Variants in OR7C1 observed in about 807,000 individuals in gnomAD.
The protein encoded by OR7C1 is olfactory receptor 7C1.
For missense variants in OR7C1, 324 were observed against 383.3 expected, an observed-to-expected ratio of 0.85 and a Z score of 1.29; for synonymous variants, 152 against 160.7, an observed-to-expected ratio of 0.95 and a Z score of 0.41.
At chr19:14,828,017 G>A (rs1312224739) in intron 1 of OR7C1, 2 of 1,614,210 alleles carry the variant, frequency 1.2e-6, no homozygotes, top group East Asian at 4.5e-5. Context: ...GAATGGTGGT[G>A]GAAGTAACAC....
chr19:14,822,071 G>A (rs57121293), intron 1 of OR7C1, among the ~76,000 whole-genome samples: 7,909 of 152,220 alleles, frequency 0.052, 453 homozygotes, highest in African/African-American at 0.14. Flanking sequence ...TTCTATTGTG[G>A]ATATGCACCA....
intron 1 of OR7C1, among the ~76,000 whole-genome samples, chr19:14,828,783 A>T (rs1386277097): frequency 6.7e-6 from 1 of 149,536 alleles, no homozygotes; most frequent in South Asian, 2.2e-4. Flanking sequence ...AAAAAAAAAA[A>T]AAAAGAATGA....
intron 1 of OR7C1, among the ~76,000 whole-genome samples, chr19:14,812,201 C>A (rs1347916910): frequency 6.6e-6 from 1 of 152,166 alleles, no homozygotes; most frequent in African/African-American, 2.4e-5. Context: ...AGGGGCTACA[C>A]TTAGAGCTGG....
chr19:14,813,343 A>G (rs1372413375), intron 1 of OR7C1, among the ~76,000 whole-genome samples: 1 of 152,064 alleles, frequency 6.6e-6, no homozygotes, highest in African/African-American at 2.4e-5. Context: ...TCACAAGGTC[A>G]GGAGATTGAG....
intron 1 of OR7C1, among the ~76,000 whole-genome samples, chr19:14,824,059 A>G (rs1249955736): frequency 6.6e-6 from 1 of 152,148 alleles, no homozygotes; most frequent in East Asian, 1.9e-4. Flanking sequence ...GAATAATAAA[A>G]CAAAGTCCCC....
At chr19:14,829,616 ACCT>A (rs1316268188) in intron 1 of OR7C1, among the ~76,000 whole-genome samples, 12 of 152,218 alleles carry the variant, frequency 7.9e-5, no homozygotes, top group African/African-American at 2.6e-4. Flanking sequence ...GAATAAGGGG[ACCT>A]GGCTGTCAAA....
At chr19:14,807,721 C>G (rs752919479) in intron 2 of OR7C1, among the ~76,000 whole-genome samples, 2 of 151,676 alleles carry the variant, frequency 1.3e-5, no homozygotes, top group Non-Finnish European at 2.9e-5. Flanking sequence ...ACGGTGAAAC[C>G]CTGTCTCTAC....
chr19:14,813,811 C>T (rs2044703735), intron 1 of OR7C1, among the ~76,000 whole-genome samples: 1 of 151,982 alleles, frequency 6.6e-6, no homozygotes, highest in Admixed American at 6.6e-5. Flanking sequence ...CCCCATGACC[C>T]AATCACCTCC....
chr19:14,828,431 G>T, intron 1 of OR7C1: 1 of 666,764 alleles, frequency 1.5e-6, no homozygotes, highest in Non-Finnish European at 2.5e-6. Flanking sequence ...CCCACTCTCA[G>T]CCTTAACTGA....
chr19:14,814,573 A>G (rs111933371), intron 1 of OR7C1, among the ~76,000 whole-genome samples: 1 of 151,964 alleles, frequency 6.6e-6, no homozygotes, highest in Admixed American at 6.6e-5. Flanking sequence ...AAAGGCACCC[A>G]CCACCATGCC....
intron 1 of OR7C1, among the ~76,000 whole-genome samples, chr19:14,819,784 G>A (rs1411875548): frequency 6.6e-6 from 1 of 152,098 alleles, no homozygotes; most frequent in Non-Finnish European, 1.5e-5. Flanking sequence ...CTTTAAGAAA[G>A]TATATTTTTA....
intron 1 of OR7C1, among the ~76,000 whole-genome samples, chr19:14,813,618 G>A (rs1435559437): frequency 6.6e-6 from 1 of 152,072 alleles, no homozygotes; most frequent in East Asian, 1.9e-4. Context: ...TGCCTCACAG[G>A]TCCTTATGAC....
chr19:14,808,098 A>G (rs1009711643), intron 2 of OR7C1, among the ~76,000 whole-genome samples: 1 of 117,730 alleles, frequency 8.5e-6, no homozygotes, highest in African/African-American at 4.8e-5. Flanking sequence ...TTTTAAAGAA[A>G]TAAAAAAAAA....
rs553360543 is a variant in OR7C1 at position 14,820,621 on chromosome 19, C to T, written c.-622-10628G>A. Reference sequence around the variant, plus strand: ...TGTAGACGTACAACTTTTTGTGAAACCACAACAGTGAAGAAAGCAGGTGAA... The same window carrying T: ...TGTAGACGTACAACTTTTTGTGAAATCACAACAGTGAAGAAAGCAGGTGAA... On this transcript the variant is annotated intron_variant, in intron 1 of 4. Coordinates refer to ENST00000641666, the Ensembl canonical transcript of OR7C1. 1.2e-3 allele frequency among the ~76,000 whole-genome samples: 181 copies of T among 152,038 alleles called. 5 individuals carry two copies. The South Asian group carries it at 0.036, about 30-fold the overall frequency.
At chr19:14,822,407 T>G (rs995454009) in intron 1 of OR7C1, among the ~76,000 whole-genome samples, 1 of 125,748 alleles carries the variant, frequency 8.0e-6, no homozygotes, top group African/African-American at 3.0e-5. Context: ...TTTTTTGAGA[T>G]GGAGTCTCGC....
At chr19:14,799,405 G>A (rs1477372835) in exon 5 of OR7C1, 16 of 1,614,228 alleles carry the variant, frequency 9.9e-6, no homozygotes, top group Non-Finnish European at 1.3e-5. Flanking sequence ...CCACTGAGAG[G>A]TGGGAACCAC....
chr19:14,820,238 A>G (rs1030287665), intron 1 of OR7C1, among the ~76,000 whole-genome samples: 1 of 152,178 alleles, frequency 6.6e-6, no homozygotes, highest in African/African-American at 2.4e-5. Context: ...AATTTTATTC[A>G]GTTTTGTTCA....
At chr19:14,831,362 T>G (rs1346286844) in intron 1 of OR7C1, among the ~76,000 whole-genome samples, 1 of 152,198 alleles carries the variant, frequency 6.6e-6, no homozygotes, top group Admixed American at 6.5e-5. Flanking sequence ...ATCAATTGGT[T>G]TTTATATGAA....
At chr19:14,825,383 G>A (rs954341035) in intron 1 of OR7C1, 1 of 152,146 alleles carries the variant, frequency 6.6e-6, no homozygotes, top group African/African-American at 2.4e-5. Context: ...ACACTATGAC[G>A]ACTATAGTTA....
Sources: gnomAD v4.1 joint callset for allele counts (sites outside exome capture counted in the v4.1 genomes callset) on GRCh38, gnomAD v4.1.1 for gene constraint, MANE v1.5 for transcripts, NCBI Gene and HGNC (gene_info 2026-07-23, HGNC 2026-07-21) for gene names.